Variants in CSMD1 observed in about 807,000 individuals in gnomAD.
The protein encoded by CSMD1 is CUB and sushi domain-containing protein 1.
In CSMD1, 213 loss-of-function variants were observed where a neutral mutation model predicts 417.5. That is an observed-to-expected ratio of 0.51 (90% confidence interval 0.46 to 0.57). The LOEUF is 0.57. Ranked by LOEUF, CSMD1 falls within the 20% of genes least tolerant of loss-of-function variation. The pLI is 0.00. For synonymous variants in CSMD1, 2,862 were observed against 1,736.8 expected (o/e 1.65, Z -16.11); for missense variants, 6,923 against 4,529.7 (o/e 1.53, Z -15.17).
intron 3 of CSMD1, among the ~76,000 whole-genome samples, chr8:4,075,526 G>A (rs1195621500): frequency 6.6e-6 from 1 of 152,256 alleles, no homozygotes; most frequent in African/African-American, 2.4e-5. Flanking sequence ...AACTAAAAAT[G>A]TCAGATATCC....
intron 2 of CSMD1, among the ~76,000 whole-genome samples, chr8:4,612,055 G>A (rs1036316379): frequency 1.3e-5 from 2 of 152,100 alleles, no homozygotes; most frequent in Non-Finnish European, 2.9e-5. Flanking sequence ...TTCCCGGCGT[G>A]TCCCTAGGAG....
intron 10 of CSMD1, among the ~76,000 whole-genome samples, chr8:3,572,822 CCAAA>C (rs377140828): frequency 2.6e-5 from 4 of 152,042 alleles, no homozygotes; most frequent in Admixed American, 6.6e-5. Context: ...AATATAGCCC[CCAAA>C]CAAACTCAAT....
chr8:3,195,142 C>T (rs1051046220), intron 33 of CSMD1, among the ~76,000 whole-genome samples: 1 of 152,046 alleles, frequency 6.6e-6, no homozygotes, highest in South Asian at 2.1e-4. Flanking sequence ...TTTATGAAAA[C>T]AGCCAGGCAT....
chr8:3,092,712 G>A (rs749133858), intron 47 of CSMD1, among the ~76,000 whole-genome samples: 48 of 152,160 alleles, frequency 3.2e-4, no homozygotes, highest in East Asian at 3.8e-4. Context: ...AGAGTCACCC[G>A]GCATTGCCCT....
intron 5 of CSMD1, among the ~76,000 whole-genome samples, chr8:3,774,895 T>C (rs1798815189): frequency 2.0e-5 from 3 of 152,028 alleles, no homozygotes. Flanking sequence ...ATGTACACAA[T>C]GTCTTTTCAA....
chr8:3,825,153 C>G (rs866112604), intron 5 of CSMD1, among the ~76,000 whole-genome samples: 7 of 152,100 alleles, frequency 4.6e-5, no homozygotes, highest in African/African-American at 1.7e-4. Context: ...TTCTCATTCT[C>G]TTTCCCAGAA....
intron 3 of CSMD1, among the ~76,000 whole-genome samples, chr8:4,083,111 G>C (rs769491062): frequency 9.2e-5 from 14 of 151,972 alleles, no homozygotes; most frequent in Non-Finnish European, 1.9e-4. Context: ...ATGATTTATA[G>C]TCCTTTTAGT....
intron 3 of CSMD1, among the ~76,000 whole-genome samples, chr8:4,385,503 C>T (rs1803388595): frequency 6.6e-6 from 1 of 152,056 alleles, no homozygotes; most frequent in African/African-American, 2.4e-5. Context: ...CTTAGTACTA[C>T]CGTATTAGTA....
At chr8:3,281,202 G>T (rs914895870) in intron 26 of CSMD1, among the ~76,000 whole-genome samples, 25 of 152,160 alleles carry the variant, frequency 1.6e-4, no homozygotes, top group African/African-American at 5.8e-4. Flanking sequence ...CAGCACTTTG[G>T]GAGGCTGAGG....
rs1797858681 is a variant in CSMD1 at position 4,794,347 on chromosome 8, T to C, written c.86-156789A>G. On this transcript the variant is annotated intron_variant, in intron 1 of 69. Coordinates refer to ENST00000635120, the MANE Select transcript of CSMD1 (RefSeq NM_033225.6). ...GCATTTCCTTAGAAATGAGTGACTA[T>C]TTCTCATATAGGAGGGATTTCTTTT... Among the ~76,000 whole-genome samples the C allele has an allele frequency of 2.6e-5, 4 of 152,228 alleles. No individual in the cohort carries two copies. In the South Asian group the frequency reaches 8.3e-4, roughly 31 times the overall value.
chr8:3,925,581 G>A (rs939522542), intron 5 of CSMD1, among the ~76,000 whole-genome samples: 7 of 152,078 alleles, frequency 4.6e-5, no homozygotes, highest in East Asian at 3.9e-4. Context: ...ACTGAATCGT[G>A]GAGACCAGTC....
intron 20 of CSMD1, 27 bp from the exon 21 acceptor site, chr8:3,359,367 G>A: frequency 1.3e-6 from 2 of 1,577,484 alleles, no homozygotes; most frequent in Non-Finnish European, 1.7e-6. Context: ...CAGAGTAAAT[G>A]CATGAGGATT....
intron 4 of CSMD1, among the ~76,000 whole-genome samples, chr8:4,028,761 G>C (rs986837686): frequency 2.0e-5 from 3 of 152,132 alleles, no homozygotes; most frequent in Admixed American, 6.6e-5. Context: ...TGTTGTGAGA[G>C]TTAAATGGTA....
intron 12 of CSMD1, among the ~76,000 whole-genome samples, chr8:3,418,366 T>A (rs1813288479): frequency 6.6e-6 from 1 of 152,158 alleles, no homozygotes; most frequent in Admixed American, 6.5e-5. Context: ...TCCAAATTAT[T>A]TATTAGTGCT....
chr8:3,830,765 C>G (rs1490764435), intron 5 of CSMD1, among the ~76,000 whole-genome samples: 2 of 152,090 alleles, frequency 1.3e-5, no homozygotes, highest in Non-Finnish European at 2.9e-5. Context: ...AACTTAATCT[C>G]AAGATGAATG....
At chr8:3,897,687 C>A (rs1254631294) in intron 5 of CSMD1, among the ~76,000 whole-genome samples, 4 of 152,072 alleles carry the variant, frequency 2.6e-5, no homozygotes, top group Non-Finnish European at 4.4e-5. Flanking sequence ...TATCAACTTC[C>A]TTTATCATGC....
At chr8:4,437,799 T>A (rs1286869895) in intron 2 of CSMD1, among the ~76,000 whole-genome samples, 1 of 152,196 alleles carries the variant, frequency 6.6e-6, no homozygotes, top group Non-Finnish European at 1.5e-5. Context: ...GGGAACTTCA[T>A]AGGCCGTGTT....
intron 26 of CSMD1, among the ~76,000 whole-genome samples, chr8:3,259,395 A>G (rs1241167410): frequency 1.3e-5 from 2 of 151,354 alleles, no homozygotes; most frequent in Non-Finnish European, 2.9e-5. Context: ...GTTTACGGAC[A>G]CTCAGTAATC....
At chr8:4,747,653 C>G (rs998609346) in intron 1 of CSMD1, among the ~76,000 whole-genome samples, 7 of 152,118 alleles carry the variant, frequency 4.6e-5, no homozygotes, top group African/African-American at 1.7e-4. Flanking sequence ...GCTTTATACT[C>G]AGTTGTTGAT....
Sources: allele counts gnomAD v4.1 joint callset (sites outside exome capture counted in the v4.1 genomes callset), GRCh38; gene constraint gnomAD v4.1.1; transcripts MANE v1.5; gene names NCBI Gene and HGNC (gene_info 2026-07-23, HGNC 2026-07-21).